ATP8B1: variants seen among roughly 807,000 people sequenced by gnomAD.
ATP8B1 encodes the protein ATPase phospholipid transporting 8B1.
ATP8B1 carries 80 observed loss-of-function variants against 149.9 expected under a neutral mutation model. The observed-to-expected ratio is 0.53, with a 90% CI of 0.45 to 0.64. ATP8B1 has a LOEUF of 0.64. ATP8B1 is among the 30% of genes least tolerant of loss of function. The pLI, the probability that ATP8B1 is intolerant of heterozygous loss-of-function variation, is 0.00. For missense variants in ATP8B1, 1,247 were observed against 1,552.6 expected, an observed-to-expected ratio of 0.80 and a Z score of 3.31; for synonymous variants, 536 against 562.8, an observed-to-expected ratio of 0.95 and a Z score of 0.67.
intron 8 of ATP8B1, 35 bp downstream of exon 8, chr18:57,697,583 C>A: frequency 6.2e-7 from 1 of 1,606,268 alleles, no homozygotes. Context: ...CCTTCAAAGG[C>A]CAGCTTTAAA....
chr18:57,669,501 T>C lies in ATP8B1; in HGVS notation c.1933-19A>G, dbSNP rs764452071. Reference sequence around the variant, plus strand: ...CAAAGATCTGTTTTATTTAAAAAAATAAATCCACCAATGCAAAGAATAGTT... The same window carrying C: ...CAAAGATCTGTTTTATTTAAAAAAACAAATCCACCAATGCAAAGAATAGTT... On this transcript the variant is annotated intron_variant, in intron 17 of 27. Coordinates refer to ENST00000648908, the MANE Select transcript of ATP8B1 (RefSeq NM_001374385.1). 1.2e-6 allele frequency: 2 copies of C among 1,602,048 alleles called. No individual in the cohort carries two copies. The highest frequency in any genetic ancestry group is 2.7e-5 in the African/African-American group (2 of 74,784).
chr18:57,763,115 C>T (rs568061671), intron 1 of ATP8B1, among the ~76,000 whole-genome samples: 2 of 152,198 alleles, frequency 1.3e-5, no homozygotes, highest in South Asian at 4.1e-4. Flanking sequence ...TACTCTAGGC[C>T]GGGCGCGGTG....
In ATP8B1 at chr18:57,662,342, T is replaced by TC. The variant is rs1910512545; in HGVS notation, c.2418+140dup. The TC allele has an allele frequency of 5.1e-6, 5 of 971,298 alleles. No individual in the cohort carries two copies. In the Admixed American group the frequency reaches 9.5e-5, roughly 19 times the overall value. The allele number at this position is 971,298 out of a possible 1,614,324, so 60.2% of individuals were successfully genotyped here. A position where few individuals can be genotyped will look rare whatever the true frequency, so the allele number is the denominator to read the frequency against. On this transcript the variant is annotated intron_variant, in intron 21 of 27. Coordinates refer to ENST00000648908, the MANE Select transcript of ATP8B1 (RefSeq NM_001374385.1). ...TTCATATATCATATATTATTAAGTC[T>TC]CAAACTTGGAAAAACCACACTTTCA...
chr18:57,687,621 A>C (rs1479957436), intron 13 of ATP8B1, among the ~76,000 whole-genome samples: 1 of 152,104 alleles, frequency 6.6e-6, no homozygotes, highest in African/African-American at 2.4e-5. Context: ...TCATCCATTG[A>C]TGAACGCTTG....
Position 57,776,813 on chromosome 18 carries a change from T to C in ATP8B1, c.-26+26185A>G, listed in dbSNP as rs139061375. Among the ~76,000 whole-genome samples, 509 of 152,194 alleles carry C rather than the reference T, an allele frequency of 3.3e-3. 5 individuals carry two copies. Among genetic ancestry groups the C allele is most frequent in the African/African-American group, 0.012 (489 of 41,538 alleles). The stretch of plus-strand genomic sequence containing the variant: ...ACTGTCTAGGACATTTCCTAATATG[T>C]TATTTTCACCCCCCTTCCCTCAAAG... On this transcript the variant is annotated intron_variant, in intron 1 of 27. Transcript: ENST00000648908.
intron 13 of ATP8B1, 34 bp downstream of exon 13, chr18:57,688,265 C>G (rs1912355132): frequency 1.2e-6 from 2 of 1,600,322 alleles, no homozygotes; most frequent in Non-Finnish European, 1.7e-6. Flanking sequence ...GGCAGCCCCA[C>G]TCACCCAGAA....
intron 19 of ATP8B1, 194 bp from the exon 20 acceptor site, chr18:57,667,361 T>G: frequency 5.2e-6 from 3 of 572,674 alleles, no homozygotes; most frequent in Non-Finnish European, 9.3e-6. Context: ...CCCAAGTAGC[T>G]GGGACTACGC....
Position 57,701,204 on chromosome 18 carries a change from G to A in ATP8B1, c.492+11C>T. On this transcript the variant is annotated intron_variant, in intron 5 of 27. Transcript: ENST00000648908. ...AAGCAATGAGTAGAACGTTGTATGA[G>A]AAATCCTCACCACATCGTCCACCAG... 6.2e-7 allele frequency: 1 copy of A among 1,613,880 alleles called. No homozygotes were observed. Among genetic ancestry groups the A allele is most frequent in the Non-Finnish European group, 8.5e-7 (1 of 1,179,750 alleles).
chr18:57,791,531 A>G (rs570011023), intron 1 of ATP8B1, among the ~76,000 whole-genome samples: 1 of 151,372 alleles, frequency 6.6e-6, no homozygotes, highest in South Asian at 2.1e-4. Context: ...TTTAGTAGAG[A>G]CGGGGGTTCA....
intron 1 of ATP8B1, among the ~76,000 whole-genome samples, chr18:57,764,306 CTTCT>C (rs919121417): frequency 1.3e-4 from 19 of 149,100 alleles, no homozygotes; most frequent in Admixed American, 1.3e-4. Context: ...TTCTTCCTTC[CTTCT>C]TTCTTTCTTT....
At chr18:57,787,764 A>T (rs552440357) in intron 1 of ATP8B1, among the ~76,000 whole-genome samples, 1 of 152,356 alleles carries the variant, frequency 6.6e-6, no homozygotes, top group East Asian at 1.9e-4. Context: ...GAATGTCAGT[A>T]GTTTTTCTGA....
rs371238239 is a variant in ATP8B1 at position 57,650,484 on chromosome 18, G to A, written c.3414C>T (p.Asn1138=). ...SAFQFTGTAS[N]ALRQPYIWLT... Reference sequence around the variant, plus strand: ...ACCAAATGTATGGCTGTCTCAGAGCGTTTGAAGCTGTGCCTGTAAAGAACA... The same window carrying A: ...ACCAAATGTATGGCTGTCTCAGAGCATTTGAAGCTGTGCCTGTAAAGAACA... The change falls in exon 27 of 28, where the codon AAC becomes AAT. Residue 1138 remains asparagine (N), a synonymous_variant. Coordinates refer to ENST00000648908, the MANE Select transcript of ATP8B1 (RefSeq NM_001374385.1). 27 of 1,613,342 alleles carry A rather than the reference G, an allele frequency of 1.7e-5. No individual in the cohort carries two copies. The African/African-American group carries it at 2.4e-4, about 14-fold the overall frequency.
chr18:57,694,895 T>C (rs1189338472), intron 10 of ATP8B1, among the ~76,000 whole-genome samples: 1 of 152,020 alleles, frequency 6.6e-6, no homozygotes, highest in Non-Finnish European at 1.5e-5. Flanking sequence ...CTGGGCATGG[T>C]GGCACATGCC....
Position 57,713,157 on chromosome 18 carries a change from CTCTTTCTT to C in ATP8B1, c.182-6578_182-6571del, listed in dbSNP as rs760611716. On this transcript the variant is annotated intron_variant, in intron 2 of 27. Transcript: ENST00000648908. ...GTGCTTTGTCTTGCTCTTGATCTTT[CTCTTTCTT>C]TCTTTCTTTCTTTCTTTCTTTCTTT... Among the ~76,000 whole-genome samples, 509 of 92,074 alleles carry C rather than the reference CTCTTTCTT, an allele frequency of 5.5e-3. 5 individuals carry two copies. The highest frequency in any genetic ancestry group is 0.011 in the Middle Eastern group (2 of 178). 60.4% of individuals were successfully genotyped at this position (92,074 alleles called of 152,430 possible).
chr18:57,788,492 T>A (rs1362778093), intron 1 of ATP8B1, among the ~76,000 whole-genome samples: 1 of 150,456 alleles, frequency 6.6e-6, no homozygotes, highest in Non-Finnish European at 1.5e-5. Flanking sequence ...GAGGCAGAGG[T>A]CCTGGTGAGC....
intron 1 of ATP8B1, among the ~76,000 whole-genome samples, chr18:57,758,616 C>T (rs1013303202): frequency 6.8e-6 from 1 of 146,914 alleles, no homozygotes; most frequent in Non-Finnish European, 1.5e-5. Flanking sequence ...CTATTGCACT[C>T]CAGCCTGGGC....
At chr18:57,713,236 C>CTTTCTTTCT (rs1568207620) in intron 2 of ATP8B1, among the ~76,000 whole-genome samples, 2 of 100,246 alleles carry the variant, frequency 2.0e-5, no homozygotes, top group African/African-American at 8.3e-5. Context: ...TCCTTCCTTC[C>CTTTCTTTCT]TTCCTTCTTT....
chr18:57,776,310 A>C (rs1456567201), intron 1 of ATP8B1, among the ~76,000 whole-genome samples: 3 of 152,264 alleles, frequency 2.0e-5, no homozygotes, highest in Non-Finnish European at 2.9e-5. Context: ...TATAATTTTA[A>C]AGGTAATGAC....
intron 2 of ATP8B1, among the ~76,000 whole-genome samples, chr18:57,731,125 C>T (rs147091329): frequency 6.6e-6 from 1 of 151,848 alleles, no homozygotes; most frequent in Non-Finnish European, 1.5e-5. Context: ...GAAATACCAT[C>T]TACACACACA....
Sources: gnomAD v4.1 joint callset for allele counts (sites outside exome capture counted in the v4.1 genomes callset) on GRCh38, gnomAD v4.1.1 for gene constraint, MANE v1.5 for transcripts, NCBI Gene and HGNC (gene_info 2026-07-23, HGNC 2026-07-21) for gene names.